The following RBFOX1 variants were observed in gnomAD, a reference collection of about 807,000 sequenced individuals.
RBFOX1 encodes the protein RNA binding fox-1 homolog 1, also known as RNA binding protein fox-1 homolog 1.
A neutral mutation model predicts 57.7 loss-of-function variants in RBFOX1; 8 were observed. The ratio of observed to expected loss-of-function variants is 0.14; its 90% CI spans 0.08 to 0.25. The LOEUF (loss-of-function observed/expected upper bound fraction) is 0.25, where lower values mean the gene tolerates loss of function less well. RBFOX1 is among the 10% of genes least tolerant of loss of function. RBFOX1 has a pLI of 1.00. For synonymous variants in RBFOX1, 326 were observed against 222.4 expected (o/e 1.47, Z -4.15); for missense variants, 611 against 548.5 (o/e 1.11, Z -1.14).
intron 1 of RBFOX1, among the ~76,000 whole-genome samples, chr16:6,028,500 T>C (rs2095238774): frequency 8.3e-6 from 1 of 121,070 alleles, no homozygotes; most frequent in South Asian, 3.1e-4. Context: ...AATGAGACCC[T>C]GTCTCTGTTA....
chr16:6,831,130 T>C (rs1223541984), intron 3 of RBFOX1, among the ~76,000 whole-genome samples: 1 of 152,224 alleles, frequency 6.6e-6, no homozygotes, highest in South Asian at 2.1e-4. Flanking sequence ...AAGGTTCATT[T>C]TATTTGCAAG....
chr16:5,845,230 A>G (rs1026190337), intron 3 of RBFOX1, among the ~76,000 whole-genome samples: 2 of 152,154 alleles, frequency 1.3e-5, no homozygotes, highest in South Asian at 4.2e-4. Context: ...TCATAACTCC[A>G]CCCTCAGCCA....
chr16:6,912,381 A>T (rs937024977), intron 3 of RBFOX1, among the ~76,000 whole-genome samples: 1 of 149,158 alleles, frequency 6.7e-6, no homozygotes, highest in Non-Finnish European at 1.5e-5. Flanking sequence ...CGGAGTGGGG[A>T]CGGTACATTT....
intron 4 of RBFOX1, among the ~76,000 whole-genome samples, chr16:7,170,768 A>G (rs1275019251): frequency 1.3e-5 from 2 of 152,184 alleles, no homozygotes; most frequent in Non-Finnish European, 2.9e-5. Flanking sequence ...ATGAGCAGCT[A>G]CAGTCTTAGG....
At chr16:7,534,546 C>T (rs930392014) in intron 5 of RBFOX1, among the ~76,000 whole-genome samples, 1 of 152,108 alleles carries the variant, frequency 6.6e-6, no homozygotes, top group African/African-American at 2.4e-5. Flanking sequence ...CCAGGAAGAG[C>T]CCCTGGAAGC....
In RBFOX1 at chr16:5,815,503, T is replaced by G. The variant is rs368204859; in HGVS notation, c.319-51800T>G. On this transcript the variant is annotated intron_variant, in intron 3 of 19. Transcript: ENST00000641259. Reference sequence around the variant, plus strand: ...TGAAAAATGAGTATTCAGTCACTAATGGACCAAGAAAAGGTCCAAATTCCG... The same window carrying G: ...TGAAAAATGAGTATTCAGTCACTAAGGGACCAAGAAAAGGTCCAAATTCCG... Among the ~76,000 whole-genome samples the G allele has an allele frequency of 7.9e-5, 12 of 152,200 alleles. No homozygotes were observed. In the East Asian group the frequency reaches 1.7e-3, roughly 22 times the overall value.
At chr16:7,590,083 G>A (rs1323256731) in intron 7 of RBFOX1, among the ~76,000 whole-genome samples, 1 of 151,932 alleles carries the variant, frequency 6.6e-6, no homozygotes. Flanking sequence ...CTGGACAACA[G>A]TGAGACCCCA....
intron 3 of RBFOX1, among the ~76,000 whole-genome samples, chr16:6,789,161 G>C (rs1045575848): frequency 1.3e-5 from 2 of 152,120 alleles, no homozygotes; most frequent in African/African-American, 4.8e-5. Context: ...CTTGTGGGTA[G>C]AGTGTTCTTC....
At chr16:6,829,845 G>T (rs1220057307) in intron 3 of RBFOX1, among the ~76,000 whole-genome samples, 1 of 152,158 alleles carries the variant, frequency 6.6e-6, no homozygotes, top group East Asian at 1.9e-4. Flanking sequence ...TAGGAGATCT[G>T]CCTGCCTTGG....
At chr16:5,897,687 C>G (rs1417267359) in intron 4 of RBFOX1, among the ~76,000 whole-genome samples, 1 of 152,160 alleles carries the variant, frequency 6.6e-6, no homozygotes, top group Non-Finnish European at 1.5e-5. Context: ...ATCCTGCCTG[C>G]AAGCTTCTCC....
chr16:7,206,845 T>C (rs2090084588), intron 4 of RBFOX1, among the ~76,000 whole-genome samples: 1 of 152,004 alleles, frequency 6.6e-6, no homozygotes, highest in African/African-American at 2.4e-5. Flanking sequence ...TCAATTCTCT[T>C]CTTATCAGAA....
intron 11 of RBFOX1, among the ~76,000 whole-genome samples, chr16:7,640,536 T>G (rs918180589): frequency 6.6e-6 from 1 of 152,248 alleles, no homozygotes; most frequent in Non-Finnish European, 1.5e-5. Context: ...TTTTGCTTTG[T>G]GTCAGACAGA....
chr16:5,922,485 C>T (rs1250345991), intron 4 of RBFOX1, among the ~76,000 whole-genome samples: 1 of 152,188 alleles, frequency 6.6e-6, no homozygotes, highest in Non-Finnish European at 1.5e-5. Context: ...CTGGAAGTTC[C>T]TGCCCAGCTC....
chr16:7,708,472 T>C (rs2083220928), intron 14 of RBFOX1, among the ~76,000 whole-genome samples: 1 of 150,130 alleles, frequency 6.7e-6, no homozygotes, highest in Admixed American at 6.7e-5. Context: ...TCTGGAATAA[T>C]AGGATCAAAA....
chr16:6,446,203 C>T (rs376504726), intron 2 of RBFOX1, among the ~76,000 whole-genome samples: 1 of 152,134 alleles, frequency 6.6e-6, no homozygotes, highest in East Asian at 1.9e-4. Context: ...AGGGTCTTGT[C>T]ATGTTGCCCA....
intron 4 of RBFOX1, among the ~76,000 whole-genome samples, chr16:7,076,993 G>A (rs767601709): frequency 1.9e-4 from 29 of 152,186 alleles, no homozygotes; most frequent in Non-Finnish European, 3.4e-4. Context: ...GGGTGTACGC[G>A]AGAGAGGTGG....
intron 4 of RBFOX1, among the ~76,000 whole-genome samples, chr16:5,974,534 C>T (rs1218613800): frequency 4.0e-5 from 6 of 151,680 alleles, no homozygotes; most frequent in South Asian, 2.1e-4. Flanking sequence ...CACTCGAACC[C>T]GGGAGGCGGA....
chr16:5,471,575 G>GGA lies in RBFOX1; in HGVS notation c.258+4324_258+4325dup, dbSNP rs1241959424. ...CATGGGCATGTAGGTGCCCACCCCC[G>GGA]GAGAACCCTCTGTCTCTCCAGGCAC... On this transcript the variant is annotated intron_variant, in intron 2 of 2. Transcript: ENST00000585867. Among the ~76,000 whole-genome samples, 5 of 152,178 alleles carry GGA rather than the reference G, an allele frequency of 3.3e-5. No homozygotes were observed. The East Asian group carries it at 9.7e-4, about 29-fold the overall frequency.
At chr16:7,610,044 C>T (rs1284591796) in intron 10 of RBFOX1, among the ~76,000 whole-genome samples, 1 of 150,584 alleles carries the variant, frequency 6.6e-6, no homozygotes, top group Non-Finnish European at 1.5e-5. Context: ...TCTCCATCTC[C>T]TGACCTCATG....
Sources: gnomAD v4.1 joint callset for allele counts (sites outside exome capture counted in the v4.1 genomes callset) on GRCh38, gnomAD v4.1.1 for gene constraint, MANE v1.5 for transcripts, NCBI Gene and HGNC (gene_info 2026-07-23, HGNC 2026-07-21) for gene names.